Variants in PLD1 observed in about 807,000 individuals in gnomAD.
PLD1 encodes phospholipase D1.
Under a neutral mutation model 137.1 loss-of-function variants are expected in PLD1, and 112 were observed. The observed-to-expected ratio is 0.82, with a 90% confidence interval of 0.70 to 0.96. PLD1 has a LOEUF of 0.96. Among genes scored for constraint, PLD1 ranks in the 40% least tolerant of loss-of-function variants. PLD1 has a pLI of 0.00. For synonymous variants in PLD1, 431 were observed against 454.7 expected (o/e 0.95, Z 0.66); for missense variants, 1,321 against 1,342.0 (o/e 0.98, Z 0.24).
At position 171,620,770 on chromosome 3, in the gene PLD1, T is replaced by C. The variant is rs866915231; in HGVS notation, c.2594-250A>G. Among the ~76,000 whole-genome samples, 5 of 107,118 alleles carry C rather than the reference T, an allele frequency of 4.7e-5. No individual in the cohort carries two copies. In the East Asian group the frequency reaches 1.1e-3, roughly 24 times the overall value. The allele number at this position is 107,118 out of a possible 152,430, so 70.3% of individuals were successfully genotyped here. A position where few individuals can be genotyped will look rare whatever the true frequency, so the allele number is the denominator to read the frequency against. ...TATATATATATATATATATATATAT[T>C]ATATATATTTTTTTTTTAATTGAAG... On this transcript the variant is annotated intron_variant, in intron 23 of 26. Transcript: ENST00000351298.
chr3:171,687,020 G>A (rs920811063), intron 15 of PLD1, among the ~76,000 whole-genome samples: 3 of 152,150 alleles, frequency 2.0e-5, no homozygotes, highest in East Asian at 3.8e-4. Flanking sequence ...ATATATTTCT[G>A]GATAGGAAGA....
At chr3:171,750,379 C>T (rs886632561) in intron 1 of PLD1, among the ~76,000 whole-genome samples, 2 of 151,630 alleles carry the variant, frequency 1.3e-5, no homozygotes, top group Admixed American at 6.6e-5. Context: ...ATGAACAGAG[C>T]CTTAGTATTG....
At chr3:171,718,371 A>C (rs1215023372) in intron 8 of PLD1, among the ~76,000 whole-genome samples, 1 of 152,184 alleles carries the variant, frequency 6.6e-6, no homozygotes, top group Non-Finnish European at 1.5e-5. Context: ...GCGGATTCAC[A>C]CTCAAATTCT....
chr3:171,786,087 G>T (rs1723004178), intron 1 of PLD1, among the ~76,000 whole-genome samples: 1 of 152,124 alleles, frequency 6.6e-6, no homozygotes, highest in Non-Finnish European at 1.5e-5. Flanking sequence ...TAGGATTAAG[G>T]CCATCAGGCT....
intron 1 of PLD1, among the ~76,000 whole-genome samples, chr3:171,775,861 A>T (rs142294773): frequency 6.6e-6 from 1 of 152,078 alleles, no homozygotes; most frequent in South Asian, 2.1e-4. Context: ...TAAACAAAAA[A>T]AATTAATTAA....
intron 19 of PLD1, among the ~76,000 whole-genome samples, chr3:171,668,193 C>T (rs1712356451): frequency 6.6e-6 from 1 of 152,236 alleles, no homozygotes; most frequent in South Asian, 2.1e-4. Context: ...AAGCACACAG[C>T]AAATGCCCTG....
chr3:171,727,981 C>G (rs907786707), intron 6 of PLD1, among the ~76,000 whole-genome samples: 1 of 152,070 alleles, frequency 6.6e-6, no homozygotes, highest in Non-Finnish European at 1.5e-5. Context: ...TCAAAGGTAT[C>G]TTCATACAGC....
intron 1 of PLD1, chr3:171,793,370 C>T (rs1381315940): frequency 1.3e-5 from 2 of 152,062 alleles, no homozygotes; most frequent in Non-Finnish European, 2.9e-5. Flanking sequence ...ATTATATAAA[C>T]TTACAATAAA....
At position 171,633,165 on chromosome 3, in the gene PLD1, GA is replaced by G. The variant is rs140906783; in HGVS notation, c.2593+9674del. On this transcript the variant is annotated intron_variant, in intron 23 of 26. Coordinates refer to ENST00000351298, the MANE Select transcript of PLD1 (RefSeq NM_002662.5). Reference sequence around the variant, plus strand: ...CACCATGAACTCTATACGGAAAGAAGAAAAAACAAATAGAGAAAATATTTCA... The same window carrying G: ...CACCATGAACTCTATACGGAAAGAAGAAAAACAAATAGAGAAAATATTTCA... Among the ~76,000 whole-genome samples the G allele has an allele frequency of 6.8e-3, 1,041 of 152,028 alleles. 11 individuals are homozygous for G. Among genetic ancestry groups the G allele is most frequent in the African/African-American group, 0.02 (822 of 41,484 alleles).
intron 1 of PLD1, among the ~76,000 whole-genome samples, chr3:171,801,179 G>T (rs772826444): frequency 1.8e-4 from 28 of 152,196 alleles, no homozygotes; most frequent in Non-Finnish European, 4.0e-4. Context: ...CCACATTTTA[G>T]ACTCACTAGC....
chr3:171,642,726 G>A (rs1315007740), intron 23 of PLD1, 114 bp downstream of exon 23: 1 of 643,934 alleles, frequency 1.6e-6, no homozygotes, highest in East Asian at 2.9e-5. Flanking sequence ...AACATTTTGT[G>A]GGGTACCTTT....
chr3:171,698,142 G>A (rs1379711359), intron 12 of PLD1, among the ~76,000 whole-genome samples: 1 of 152,208 alleles, frequency 6.6e-6, no homozygotes, highest in African/African-American at 2.4e-5. Flanking sequence ...TAGGTAGAAA[G>A]TAGTCTGGTA....
intron 1 of PLD1, among the ~76,000 whole-genome samples, chr3:171,751,699 C>T (rs1720670910): frequency 6.6e-6 from 1 of 152,132 alleles, no homozygotes; most frequent in African/African-American, 2.4e-5. Context: ...TTAAAATAAC[C>T]TTTTAGAAAG....
intron 12 of PLD1, among the ~76,000 whole-genome samples, chr3:171,695,164 G>C (rs775754358): frequency 2.0e-5 from 3 of 152,182 alleles, no homozygotes; most frequent in Admixed American, 6.5e-5. Flanking sequence ...GCATTTTCCA[G>C]GTTGTTATAG....
intron 23 of PLD1, among the ~76,000 whole-genome samples, chr3:171,631,043 GAATA>G (rs554062062): frequency 1.1e-4 from 17 of 151,658 alleles, no homozygotes; most frequent in Non-Finnish European, 1.9e-4. Flanking sequence ...AATAAAGGCT[GAATA>G]ATTAAAAAAA....
intron 1 of PLD1, among the ~76,000 whole-genome samples, chr3:171,759,377 G>T (rs560215317): frequency 1.3e-5 from 2 of 152,284 alleles, no homozygotes; most frequent in South Asian, 4.1e-4. Flanking sequence ...AATTACTGAA[G>T]ATACTAATTT....
chr3:171,698,812 A>G (rs1267742744), intron 12 of PLD1, among the ~76,000 whole-genome samples: 1 of 38,488 alleles, frequency 2.6e-5, no homozygotes, highest in African/African-American at 1.4e-4. Context: ...ACAAAAATAC[A>G]AAAAAAAAAA....
intron 25 of PLD1, chr3:171,611,344 C>T (rs901895834): frequency 9.8e-6 from 2 of 204,366 alleles, no homozygotes; most frequent in African/African-American, 4.6e-5. Context: ...TTACTTGTTC[C>T]TTGTGAGATA....
intron 19 of PLD1, among the ~76,000 whole-genome samples, chr3:171,669,725 C>G (rs931579429): frequency 6.6e-6 from 1 of 152,156 alleles, no homozygotes; most frequent in Admixed American, 6.5e-5. Flanking sequence ...GAAACACTAG[C>G]GAAAGCTTGA....
Sources: gnomAD v4.1 joint callset for allele counts (sites outside exome capture counted in the v4.1 genomes callset) on GRCh38, gnomAD v4.1.1 for gene constraint, MANE v1.5 for transcripts, NCBI Gene and HGNC (gene_info 2026-07-23, HGNC 2026-07-21) for gene names.